Variants in ANKRD30B observed in about 807,000 individuals in gnomAD.
ANKRD30B encodes the protein ankyrin repeat domain 30B, also known as ankyrin repeat domain-containing protein 30B.
A neutral mutation model predicts 202.2 loss-of-function variants in ANKRD30B; 144 were observed. The ratio of observed to expected loss-of-function variants is 0.71; its 90% confidence interval spans 0.62 to 0.82. ANKRD30B has a LOEUF of 0.82. Ranked by LOEUF, ANKRD30B falls within the 40% of genes least tolerant of loss-of-function variation. The probability of loss-of-function intolerance (pLI) is 0.00; values close to 1 mark genes in which losing one functional copy is unlikely to be tolerated. For missense variants in ANKRD30B, 1,487 were observed against 1,669.1 expected, an observed-to-expected ratio of 0.89 and a Z score of 1.90; for synonymous variants, 508 against 561.3, an observed-to-expected ratio of 0.91 and a Z score of 1.34.
downstream of ANKRD30B, among the ~76,000 whole-genome samples, chr18:14,855,532 G>T (rs1568081471): frequency 1.3e-5 from 2 of 151,354 alleles, no homozygotes; most frequent in South Asian, 2.1e-4. Context: ...CTGGGCAGAG[G>T]CGCTCCTCAC....
chr18:14,837,654 C>T lies in ANKRD30B; in HGVS notation c.2966C>T (p.Thr989Ile). The change falls in exon 36 of 44, where the codon ACA becomes ATA. Residue 989 changes from threonine to isoleucine, a missense_variant. By Grantham distance (89) the Thr-to-Ile change is moderately conservative. Around this residue, in one of 6 missense-constraint regions of ANKRD30B, gnomAD observed 218 missense variants for 320.1 expected, o/e 0.68. Transcript: ENST00000690538. ...TCAGAATTAGGAAGAAAAGAAGATA[C>T]AAAATCAACTTCAGATTCTGAGGTA... ...PTSELGRKED[T>I]KSTSDSEIIS... 6.5e-7 allele frequency: 1 copy of T among 1,540,576 alleles called. No homozygotes were observed. The highest frequency in any genetic ancestry group is 8.7e-7 in the Non-Finnish European group (1 of 1,144,510).
At chr18:14,832,195 T>A (rs776704643) in intron 34 of ANKRD30B, among the ~76,000 whole-genome samples, 27 of 152,220 alleles carry the variant, frequency 1.8e-4, no homozygotes, top group Non-Finnish European at 3.1e-4. Context: ...AGACCTTATC[T>A]CTAATTTTGA....
chr18:14,784,666 G>C, intron 14 of ANKRD30B, 131 bp downstream of exon 14: 1 of 1,012,910 alleles, frequency 9.9e-7, no homozygotes, highest in Non-Finnish European at 1.4e-6. Context: ...GCCAATACTG[G>C]TATTTATGTT....
the ANKRD30B span, among the ~76,000 whole-genome samples, chr18:14,913,959 T>C: frequency 5.3e-5 from 8 of 152,248 alleles, no homozygotes; most frequent in Admixed American, 1.3e-4. Context: ...GTTAATTTTG[T>C]TCCTGTTTTA....
chr18:14,773,440 A>G (rs1967142246), intron 9 of ANKRD30B, among the ~76,000 whole-genome samples: 1 of 152,208 alleles, frequency 6.6e-6, no homozygotes, highest in Non-Finnish European at 1.5e-5. Flanking sequence ...GTGAGATAAT[A>G]TGCATGATAT....
chr18:14,780,498 G>A (rs75711460), intron 11 of ANKRD30B, among the ~76,000 whole-genome samples: 5 of 148,774 alleles, frequency 3.4e-5, no homozygotes, highest in South Asian at 2.2e-4. Flanking sequence ...ACTGCTTAAT[G>A]GTGAAATTCT....
the ANKRD30B span, among the ~76,000 whole-genome samples, chr18:14,891,934 A>G: frequency 6.6e-6 from 1 of 152,264 alleles, no homozygotes; most frequent in South Asian, 2.1e-4. Flanking sequence ...CATATTTGCA[A>G]TACCTCCAAA....
Position 14,808,647 on chromosome 18 carries a change from T to C in ANKRD30B, c.2314-25T>C, listed in dbSNP as rs748156516. 1.5e-5 allele frequency: 24 copies of C among 1,549,944 alleles called. 2 individuals are homozygous for C. The highest frequency in any genetic ancestry group is 4.9e-5 in the East Asian group (2 of 40,992). On this transcript the variant is annotated intron_variant, in intron 25 of 43. Coordinates refer to ENST00000690538, the MANE Select transcript of ANKRD30B (RefSeq NM_001367607.2). ...TTTTGAAGTATACATTATATATTAA[T>C]TTTTGTGTTTCCAAACCCATTTAGC...
At chr18:14,889,756 G>A in the ANKRD30B span, among the ~76,000 whole-genome samples, 1 of 150,130 alleles carries the variant, frequency 6.7e-6, no homozygotes, top group Admixed American at 6.7e-5. Flanking sequence ...TTAGAGGTCA[G>A]CTGATTCAAC....
In ANKRD30B at chr18:14,778,006, C is replaced by T; in HGVS notation, c.1351C>T (p.Gln451Ter). 1 of 1,547,240 alleles carries T rather than the reference C, an allele frequency of 6.5e-7. No individual in the cohort carries two copies. Residue 451 changes from glutamine to a stop codon, truncating the protein, a stop_gained, in exon 10 of 44, where the codon CAG becomes TAG. Coordinates refer to ENST00000690538, the MANE Select transcript of ANKRD30B (RefSeq NM_001367607.2). LOFTEE classifies it high-confidence loss of function. ...ACAGATTATCTCTAAGAGTGCTGCA[C>T]AGAATTATACGTGTTTACCTGATGC... ...ATKIISKSAAQNYTCLPDATY... is the reference protein window; with the variant it reads ...ATKIISKSAA
the ANKRD30B span, among the ~76,000 whole-genome samples, chr18:14,898,478 C>A: frequency 6.6e-6 from 1 of 152,196 alleles, no homozygotes; most frequent in Admixed American, 6.5e-5. Context: ...CCACCACTCA[C>A]CTCCTGCTCT....
chr18:14,808,762 A>C lies in ANKRD30B; in HGVS notation c.2386+18A>C, dbSNP rs751126641. On this transcript the variant is annotated intron_variant, in intron 26 of 43. Coordinates refer to ENST00000690538, the MANE Select transcript of ANKRD30B (RefSeq NM_001367607.2). ...CAAAGCAGGTAAATTTTGTAATTTA[A>C]ATTTTAATCTGGAATTAAGAATATT... 1,358 of 1,419,696 alleles carry C rather than the reference A, an allele frequency of 9.6e-4. 32 individuals are homozygous for C. Among genetic ancestry groups the C allele is most frequent in the Non-Finnish European group, 1.2e-3 (1,270 of 1,047,878 alleles). 87.9% of individuals were successfully genotyped at this position (1,419,696 alleles called of 1,614,324 possible).
chr18:14,830,018 T>G, intron 33 of ANKRD30B: 1 of 152,706 alleles, frequency 6.5e-6, no homozygotes, highest in East Asian at 1.9e-4. Context: ...TTCAGTTGGG[T>G]TTTTGGTAAC....
chr18:14,921,300 T>C, the ANKRD30B span, among the ~76,000 whole-genome samples: 2 of 152,120 alleles, frequency 1.3e-5, no homozygotes, highest in Admixed American at 1.3e-4. Flanking sequence ...AACTGCCTGT[T>C]GTGGTGCAAC....
chr18:14,866,615 G>A, the ANKRD30B span, among the ~76,000 whole-genome samples: 1 of 152,186 alleles, frequency 6.6e-6, no homozygotes, highest in Non-Finnish European at 1.5e-5. Context: ...CTGCATCTCT[G>A]TTAGAGTAGT....
chr18:14,791,191 A>T (rs1319558197), intron 15 of ANKRD30B, among the ~76,000 whole-genome samples: 1 of 152,148 alleles, frequency 6.6e-6, no homozygotes, highest in Non-Finnish European at 1.5e-5. Flanking sequence ...AGGTGTTTAT[A>T]GTATTCTCTG....
At chr18:14,839,142 A>T (rs1372573374) in intron 36 of ANKRD30B, among the ~76,000 whole-genome samples, 2 of 152,260 alleles carry the variant, frequency 1.3e-5, no homozygotes, top group Non-Finnish European at 2.9e-5. Context: ...GTCTCTGAAT[A>T]TCCAAGATGA....
At chr18:14,906,453 A>C in the ANKRD30B span, among the ~76,000 whole-genome samples, 2 of 152,226 alleles carry the variant, frequency 1.3e-5, no homozygotes, top group South Asian at 4.1e-4. Flanking sequence ...TATTAAATAA[A>C]TTATGAAAAG....
chr18:14,767,296 G>T (rs1916391468), intron 7 of ANKRD30B, among the ~76,000 whole-genome samples: 1 of 152,078 alleles, frequency 6.6e-6, no homozygotes, highest in South Asian at 2.1e-4. Flanking sequence ...AAGACACCCG[G>T]TGAATGTCTG....
Sources: allele counts gnomAD v4.1 joint callset (sites outside exome capture counted in the v4.1 genomes callset), GRCh38; gene constraint gnomAD v4.1.1; regional missense constraint gnomAD v4.1.1; transcripts MANE v1.5; gene names NCBI Gene and HGNC (gene_info 2026-07-23, HGNC 2026-07-21).